The following SLC25A26 variants were observed in gnomAD, a reference collection of about 807,000 sequenced individuals.
The protein encoded by SLC25A26 is mitochondrial S-adenosylmethionine carrier protein.
SLC25A26 carries 36 observed loss-of-function variants against 37.8 expected under a neutral mutation model. The observed-to-expected ratio is 0.95, with a 90% CI of 0.73 to 1.26. SLC25A26 has a LOEUF of 1.26. Ranked by LOEUF, SLC25A26 falls within the 50% of genes most tolerant of loss-of-function variation. The pLI is 0.00. For synonymous variants in SLC25A26, 129 were observed against 122.5 expected (o/e 1.05, Z -0.35); for missense variants, 390 against 331.1 (o/e 1.18, Z -1.38).
At chr3:66,246,133 G>A (rs2072828492) in intron 3 of SLC25A26, among the ~76,000 whole-genome samples, 2 of 152,200 alleles carry the variant, frequency 1.3e-5, no homozygotes, top group South Asian at 2.1e-4. Flanking sequence ...CCGTGTTGTA[G>A]CATCTGTTAG....
intron 1 of SLC25A26, among the ~76,000 whole-genome samples, chr3:66,197,222 T>TAC (rs2071056358): frequency 6.6e-6 from 1 of 152,126 alleles, no homozygotes; most frequent in Non-Finnish European, 1.5e-5. Flanking sequence ...TATATATATA[T>TAC]ACATTGTGTA....
intron 1 of SLC25A26, among the ~76,000 whole-genome samples, chr3:66,170,791 G>GTTTTTTTTTTTTTTTTTTTTT (rs36147154): frequency 2.0e-5 from 1 of 50,896 alleles, no homozygotes; most frequent in Non-Finnish European, 3.5e-5. Context: ...TGTGATTATT[G>GTTTTTTTTTTTTTTTTTTTTT]TTTTTTTTTT....
At chr3:66,137,046 T>G (rs2069956750) in intron 1 of SLC25A26, among the ~76,000 whole-genome samples, 1 of 152,070 alleles carries the variant, frequency 6.6e-6, no homozygotes, top group Non-Finnish European at 1.5e-5. Flanking sequence ...TAAAATAAAG[T>G]TCAGTTAAAA....
chr3:66,219,736 T>C (rs1576647188), upstream of SLC25A26, among the ~76,000 whole-genome samples: 1 of 151,940 alleles, frequency 6.6e-6, no homozygotes, highest in African/African-American at 2.4e-5. Flanking sequence ...CAGAGGGGAG[T>C]TGTAAGCAGG....
intron 1 of SLC25A26, among the ~76,000 whole-genome samples, chr3:66,187,346 C>A (rs1280419142): frequency 3.9e-5 from 6 of 152,070 alleles, no homozygotes; most frequent in Non-Finnish European, 8.8e-5. Flanking sequence ...CAGGCCTCAT[C>A]CAGAATTGGA....
chr3:66,227,144 G>C (rs570875715), intron 1 of SLC25A26, among the ~76,000 whole-genome samples: 13 of 152,262 alleles, frequency 8.5e-5, no homozygotes, highest in African/African-American at 3.1e-4. Context: ...GCGAAGACTT[G>C]CTGACATAAC....
At chr3:66,230,424 CA>C (rs1559594064) in intron 1 of SLC25A26, among the ~76,000 whole-genome samples, 1 of 151,774 alleles carries the variant, frequency 6.6e-6, no homozygotes, top group Admixed American at 6.6e-5. Context: ...AGGATTTTGT[CA>C]GGGGTGTGTG....
intron 5 of SLC25A26, among the ~76,000 whole-genome samples, chr3:66,277,102 A>T (rs912360664): frequency 6.6e-6 from 1 of 152,054 alleles, no homozygotes; most frequent in Non-Finnish European, 1.5e-5. Context: ...CTAATTTTTT[A>T]AAACTTTTAC....
At chr3:66,187,697 G>C (rs1375396627) in intron 1 of SLC25A26, among the ~76,000 whole-genome samples, 1 of 151,538 alleles carries the variant, frequency 6.6e-6, no homozygotes, top group African/African-American at 2.4e-5. Context: ...ACTTGACCCT[G>C]ACCATAACCC....
intron 5 of SLC25A26, among the ~76,000 whole-genome samples, chr3:66,265,962 G>C (rs1014000105): frequency 6.6e-6 from 1 of 152,094 alleles, no homozygotes. Context: ...GGAGAATACT[G>C]GTTTTACATA....
At chr3:66,255,138 A>G (rs1370271237) in intron 3 of SLC25A26, among the ~76,000 whole-genome samples, 6 of 152,118 alleles carry the variant, frequency 3.9e-5, no homozygotes, top group Non-Finnish European at 8.8e-5. Flanking sequence ...GTAGTCTTGC[A>G]TCTTGGGTTT....
intron 1 of SLC25A26, among the ~76,000 whole-genome samples, chr3:66,203,522 A>G (rs2106817355): frequency 6.6e-6 from 1 of 152,372 alleles, no homozygotes; most frequent in East Asian, 1.9e-4. Flanking sequence ...CAGTAGACTA[A>G]TAAAATATAA....
At chr3:66,352,837 A>G (rs1220772646) in intron 6 of SLC25A26, among the ~76,000 whole-genome samples, 1 of 151,998 alleles carries the variant, frequency 6.6e-6, no homozygotes, top group African/African-American at 2.4e-5. Flanking sequence ...CTTAGATCAC[A>G]TGTCACCTCA....
intron 5 of SLC25A26, among the ~76,000 whole-genome samples, chr3:66,272,667 C>T (rs1301158628): frequency 6.6e-6 from 1 of 152,124 alleles, no homozygotes; most frequent in Non-Finnish European, 1.5e-5. Context: ...GATCACTCAC[C>T]TGTTACCTTT....
upstream of SLC25A26, chr3:66,220,924 T>G (rs1034990328): frequency 6.0e-4 from 429 of 716,602 alleles, 3 homozygotes; most frequent in Non-Finnish European, 9.7e-5. Flanking sequence ...TCTCTGGCCC[T>G]CCCCTAGGCC....
chr3:66,306,412 T>C (rs1481738838), intron 5 of SLC25A26, among the ~76,000 whole-genome samples: 2 of 152,236 alleles, frequency 1.3e-5, no homozygotes, highest in Non-Finnish European at 2.9e-5. Context: ...ATGAATGTCT[T>C]CTTTTGAGAA....
chr3:66,301,670 T>C (rs2075079415), intron 5 of SLC25A26, among the ~76,000 whole-genome samples: 1 of 152,240 alleles, frequency 6.6e-6, no homozygotes, highest in African/African-American at 2.4e-5. Context: ...TAAGCATTGT[T>C]TTAGTCTTTT....
chr3:66,365,774 A>C (rs909263265), intron 7 of SLC25A26, among the ~76,000 whole-genome samples: 2 of 152,196 alleles, frequency 1.3e-5, no homozygotes, highest in African/African-American at 4.8e-5. Context: ...TTGATGGGGA[A>C]GTCTTCCACA....
chr3:66,245,252 A>T (rs1296032346), intron 3 of SLC25A26, among the ~76,000 whole-genome samples: 15 of 12,254 alleles, frequency 1.2e-3, no homozygotes, highest in African/African-American at 6.2e-3. Flanking sequence ...GTTATGATTA[A>T]AAAAAAAAAA....
Sources: allele counts gnomAD v4.1 joint callset (sites outside exome capture counted in the v4.1 genomes callset), GRCh38; gene constraint gnomAD v4.1.1; transcripts MANE v1.5; gene names NCBI Gene and HGNC (gene_info 2026-07-23, HGNC 2026-07-21).